The following FBXW8 variants were observed in gnomAD, a reference collection of about 807,000 sequenced individuals.
The protein encoded by FBXW8 is F-box and WD repeat domain containing 8, also known as F-box/WD repeat-containing protein 8.
In FBXW8, 57 loss-of-function variants were observed where a neutral mutation model predicts 65.3. The ratio of observed to expected loss-of-function variants is 0.87; its 90% CI spans 0.71 to 1.09. The LOEUF (loss-of-function observed/expected upper bound fraction) is 1.09. Among genes scored for constraint, FBXW8 ranks in the 50% least tolerant of loss-of-function variants. The pLI is 0.00. For synonymous variants in FBXW8, 308 were observed against 330.2 expected (o/e 0.93, Z 0.73); for missense variants, 777 against 814.8 (o/e 0.95, Z 0.57).
At chr12:116,911,403 C>T in intron 1 of FBXW8, 48 bp downstream of exon 1, 5 of 1,203,702 alleles carry the variant, frequency 4.2e-6, no homozygotes, top group Non-Finnish European at 5.2e-6. Flanking sequence ...CCGGCCCCCG[C>T]CCCCAGGACA....
At chr12:116,935,359 A>G (rs541830072) in intron 2 of FBXW8, among the ~76,000 whole-genome samples, 2 of 152,358 alleles carry the variant, frequency 1.3e-5, no homozygotes, top group African/African-American at 4.8e-5. Flanking sequence ...CTAAAGATCT[A>G]TAATCTTAAT....
rs547541539 is a variant in FBXW8, at chr12:117,024,718, C to A, written c.1541+398C>A. ...CGCTGGGCTAGACCAGGATGTGACACCCCACCTGCCCACAGGTGGAAGGCA... is the reference window on the plus strand; with the variant it reads ...CGCTGGGCTAGACCAGGATGTGACAACCCACCTGCCCACAGGTGGAAGGCA... On this transcript the variant is annotated intron_variant, in intron 9 of 10. Coordinates refer to ENST00000652555, the MANE Select transcript of FBXW8 (RefSeq NM_153348.3). 1.1e-4 allele frequency among the ~76,000 whole-genome samples: 17 copies of A among 152,286 alleles called. No homozygotes were observed. In the East Asian group the frequency reaches 3.3e-3, roughly 29 times the overall value.
intron 7 of FBXW8, among the ~76,000 whole-genome samples, chr12:117,007,533 G>C (rs1219640653): frequency 6.6e-6 from 1 of 152,136 alleles, no homozygotes; most frequent in Non-Finnish European, 1.5e-5. Context: ...ATATATACCT[G>C]GTACTTAAAA....
chr12:116,995,186 C>T (rs1953346219), intron 7 of FBXW8, among the ~76,000 whole-genome samples: 1 of 152,162 alleles, frequency 6.6e-6, no homozygotes, highest in Admixed American at 6.5e-5. Context: ...CGGCCAGTGT[C>T]GTGGTGGCAA....
At position 117,027,606 on chromosome 12, in the gene FBXW8, C is replaced by T. The variant is rs1592977049; in HGVS notation, c.1652+102C>T. On this transcript the variant is annotated intron_variant, in intron 10 of 10. Coordinates refer to ENST00000652555, the MANE Select transcript of FBXW8 (RefSeq NM_153348.3). ...CACATTGCACCCTATGGGCTATACC[C>T]TCAGGCAGGGCCCTGCCTTTCTGCG... 7 of 901,528 alleles carry T rather than the reference C, an allele frequency of 7.8e-6. 1 individual carries two copies. The South Asian group carries it at 8.5e-5, about 11-fold the overall frequency. 55.8% of individuals were successfully genotyped at this position (901,528 alleles called of 1,614,324 possible).
At chr12:117,016,844 C>T (rs1953962081) in intron 8 of FBXW8, among the ~76,000 whole-genome samples, 2 of 152,150 alleles carry the variant, frequency 1.3e-5, no homozygotes, top group South Asian at 4.1e-4. Context: ...TCATTCTTTT[C>T]CATGTGGATA....
chr12:116,957,074 C>T (rs1373156937), intron 4 of FBXW8, among the ~76,000 whole-genome samples: 1 of 152,132 alleles, frequency 6.6e-6, no homozygotes, highest in Non-Finnish European at 1.5e-5. Flanking sequence ...ATTAGCCGGG[C>T]ACAGTGGCAT....
intron 8 of FBXW8, among the ~76,000 whole-genome samples, chr12:117,021,602 T>G (rs1954100071): frequency 6.6e-6 from 1 of 152,232 alleles, no homozygotes; most frequent in African/African-American, 2.4e-5. Flanking sequence ...TGCCTCTAAC[T>G]GCTGTTACAA....
intron 4 of FBXW8, among the ~76,000 whole-genome samples, chr12:116,954,529 T>G (rs1883513333): frequency 6.6e-6 from 1 of 152,198 alleles, no homozygotes; most frequent in South Asian, 2.1e-4. Context: ...TTTCTCCTTT[T>G]TAGCATTACA....
chr12:117,001,618 A>G (rs986824445), intron 7 of FBXW8, among the ~76,000 whole-genome samples: 1 of 152,092 alleles, frequency 6.6e-6, no homozygotes, highest in Non-Finnish European at 1.5e-5. Context: ...CGTAAGATAG[A>G]TATTATAACC....
intron 5 of FBXW8, among the ~76,000 whole-genome samples, chr12:116,966,592 A>G (rs1884341287): frequency 6.6e-6 from 1 of 152,178 alleles, no homozygotes; most frequent in African/African-American, 2.4e-5. Context: ...TGAGCTTGAA[A>G]ATACAGCTTG....
At chr12:116,949,817 C>G (rs1376256904) in intron 4 of FBXW8, 111 bp downstream of exon 4, 2 of 960,592 alleles carry the variant, frequency 2.1e-6, no homozygotes, top group Middle Eastern at 2.1e-4. Flanking sequence ...ATGTACCTCC[C>G]TCAGTTACAG....
chr12:117,009,022 G>A (rs1434352442), intron 7 of FBXW8, among the ~76,000 whole-genome samples: 1 of 152,098 alleles, frequency 6.6e-6, no homozygotes, highest in Non-Finnish European at 1.5e-5. Context: ...AGCCAAGATC[G>A]CGGCCACTGC....
At chr12:117,004,843 C>T (rs977691551) in intron 7 of FBXW8, among the ~76,000 whole-genome samples, 5 of 152,210 alleles carry the variant, frequency 3.3e-5, no homozygotes, top group African/African-American at 7.2e-5. Context: ...CAAACTAGCC[C>T]CTGGCTTGAA....
At chr12:117,021,240 C>T (rs542472714) in intron 8 of FBXW8, among the ~76,000 whole-genome samples, 2 of 152,358 alleles carry the variant, frequency 1.3e-5, no homozygotes, top group South Asian at 4.1e-4. Flanking sequence ...ACATCTTACA[C>T]ATGTTTAAAA....
intron 6 of FBXW8, chr12:116,986,438 C>G (rs567449879): frequency 6.6e-6 from 1 of 152,396 alleles, no homozygotes; most frequent in South Asian, 2.1e-4. Context: ...ACCATCCTGG[C>G]TAACACGGTG....
At chr12:116,976,429 G>T (rs1592911165) in intron 5 of FBXW8, among the ~76,000 whole-genome samples, 4 of 132,262 alleles carry the variant, frequency 3.0e-5, no homozygotes, top group Admixed American at 7.7e-5. Flanking sequence ...CTAATCTTTG[G>T]TATTTTGTTT....
chr12:116,990,214 A>G (rs1344229620), intron 7 of FBXW8, among the ~76,000 whole-genome samples: 1 of 152,200 alleles, frequency 6.6e-6, no homozygotes, highest in Non-Finnish European at 1.5e-5. Flanking sequence ...TATCATCTCA[A>G]TGTGAAACTT....
Position 116,961,822 on chromosome 12 carries a change from T to A in FBXW8, c.678-2875T>A, listed in dbSNP as rs1222405879. Among the ~76,000 whole-genome samples, 1 of 152,178 alleles carries A rather than the reference T, an allele frequency of 6.6e-6. No individual in the cohort carries two copies. The highest frequency in any genetic ancestry group is 1.5e-5 in the Non-Finnish European group (1 of 68,038). ...GGGAGAAAGGAAGTAAAGGAAATGG[T>A]TCCAGAAGAAAGATTCATGCAGTCA... On this transcript the variant is annotated intron_variant, in intron 4 of 10. Coordinates refer to ENST00000652555, the MANE Select transcript of FBXW8 (RefSeq NM_153348.3). This position sits in a 1 kb window ranked among gnomAD's most constrained non-coding sequence, Gnocchi z 4.4.
Sources: allele counts gnomAD v4.1 joint callset (sites outside exome capture counted in the v4.1 genomes callset), GRCh38; gene constraint gnomAD v4.1.1; non-coding constraint Gnocchi (gnomAD v3.1); transcripts MANE v1.5; gene names NCBI Gene and HGNC (gene_info 2026-07-23, HGNC 2026-07-21).